The following FAM135A variants were observed in gnomAD, a reference collection of about 807,000 sequenced individuals.
FAM135A encodes family with sequence similarity 135 member A, also known as protein FAM135A.
In FAM135A, 79 loss-of-function variants were observed where a neutral mutation model predicts 146.8. The ratio of observed to expected loss-of-function variants is 0.54; its 90% CI spans 0.45 to 0.65. FAM135A has a LOEUF of 0.65. Ranked by LOEUF, FAM135A falls within the 30% of genes least tolerant of loss-of-function variation. FAM135A has a pLI of 0.00. For synonymous variants in FAM135A, 562 were observed against 603.6 expected, an observed-to-expected ratio of 0.93 and a Z score of 1.01; for missense variants, 1,623 against 1,758.2, an observed-to-expected ratio of 0.92 and a Z score of 1.38.
In FAM135A at chr6:70,475,478, T is replaced by C. The variant is rs1011747443; in HGVS notation, c.226T>C (p.Tyr76His). ...LICSKTFQILYKNEEVVLNDV... is the reference protein window; with the variant it reads ...LICSKTFQILHKNEEVVLNDV... ...TTGCAGTAAAACATTTCAAATTTTG[T>C]ACAAAAATGAAGAGGTTGTTTTAAA... The change falls in exon 6 of 22, where the codon TAC (tyrosine) becomes CAC (histidine). Residue 76 changes from tyrosine to histidine, a missense_variant. By Grantham distance (83) the Tyr-to-His change is moderately conservative. Transcript: ENST00000418814. 6.2e-7 allele frequency: 1 copy of C among 1,606,842 alleles called. No homozygotes were observed. The highest frequency in any genetic ancestry group is 1.3e-5 in the African/African-American group (1 of 74,840).
intron 4 of FAM135A, among the ~76,000 whole-genome samples, chr6:70,447,700 A>G (rs1776092604): frequency 6.6e-6 from 1 of 152,190 alleles, no homozygotes; most frequent in Non-Finnish European, 1.5e-5. Context: ...TCCCATCGTG[A>G]CACTGATTAG....
At position 70,455,984 on chromosome 6, in the gene FAM135A, T is replaced by C. The variant is rs186416076; in HGVS notation, c.157+3413T>C. ...CTCTTGTCTCAGCCTCCCAAGTAGC[T>C]GGGACTACAGGCGTGCATCACCACA... On this transcript the variant is annotated intron_variant, in intron 5 of 21. Transcript: ENST00000418814. 3.1e-3 allele frequency among the ~76,000 whole-genome samples: 474 copies of C among 152,288 alleles called. 4 individuals carry two copies. The highest frequency in any genetic ancestry group is 0.011 in the African/African-American group (447 of 41,572).
chr6:70,451,649 C>G (rs1026198557), intron 4 of FAM135A, among the ~76,000 whole-genome samples: 1 of 152,096 alleles, frequency 6.6e-6, no homozygotes, highest in Non-Finnish European at 1.5e-5. Context: ...CCTAGAATAA[C>G]AGTAATTAAT....
chr6:70,537,075 A>G (rs1426045583), intron 19 of FAM135A, among the ~76,000 whole-genome samples: 4 of 151,784 alleles, frequency 2.6e-5, no homozygotes, highest in Non-Finnish European at 2.9e-5. Flanking sequence ...AGCTGGGATT[A>G]CAGGCATACG....
intron 20 of FAM135A, among the ~76,000 whole-genome samples, chr6:70,548,658 T>A (rs140077200): frequency 6.6e-6 from 1 of 152,178 alleles, no homozygotes; most frequent in South Asian, 2.1e-4. Context: ...TAATATAATT[T>A]TATGAAGAAA....
At chr6:70,466,196 A>G (rs949449979) in intron 5 of FAM135A, among the ~76,000 whole-genome samples, 12 of 152,208 alleles carry the variant, frequency 7.9e-5, no homozygotes, top group South Asian at 2.1e-4. Flanking sequence ...TGACGATTAC[A>G]TAACACAGTA....
intron 5 of FAM135A, among the ~76,000 whole-genome samples, chr6:70,472,623 A>G (rs184510647): frequency 7.2e-5 from 11 of 152,314 alleles, no homozygotes; most frequent in Admixed American, 7.2e-4. Context: ...AAAGTCCTTT[A>G]TAGCAAAATG....
At chr6:70,443,582 G>A (rs1775048209) in intron 4 of FAM135A, among the ~76,000 whole-genome samples, 1 of 152,208 alleles carries the variant, frequency 6.6e-6, no homozygotes, top group African/African-American at 2.4e-5. Flanking sequence ...AATGAAGAGT[G>A]ACTATATTTT....
intron 11 of FAM135A, among the ~76,000 whole-genome samples, chr6:70,496,126 G>A (rs1314536658): frequency 3.3e-5 from 5 of 152,140 alleles, no homozygotes; most frequent in Admixed American, 1.3e-4. Flanking sequence ...ATAGTAGCAT[G>A]ATTTATAATC....
chr6:70,413,873 T>C (rs1032490802), intron 1 of FAM135A, 171 bp downstream of exon 1: 8 of 985,204 alleles, frequency 8.1e-6, no homozygotes, highest in African/African-American at 1.7e-5. Flanking sequence ...CCCGGCCCCG[T>C]TGAAGGTCGG....
At chr6:70,453,894 G>T (rs1411858664) in intron 5 of FAM135A, among the ~76,000 whole-genome samples, 1 of 152,072 alleles carries the variant, frequency 6.6e-6, no homozygotes, top group Non-Finnish European at 1.5e-5. Context: ...TGTGTCTTTA[G>T]TAGCATGATT....
intron 19 of FAM135A, among the ~76,000 whole-genome samples, chr6:70,537,225 C>T (rs997022924): frequency 3.3e-5 from 5 of 152,056 alleles, no homozygotes; most frequent in African/African-American, 9.7e-5. Context: ...TGAGCCACTG[C>T]GCCTGGCCTT....
At chr6:70,413,935 T>C (rs1766865214) in intron 1 of FAM135A, 3 of 985,362 alleles carry the variant, frequency 3.0e-6, no homozygotes, top group Non-Finnish European at 3.6e-6. Flanking sequence ...CGCGGCGCGC[T>C]GCTCTCCCGG....
intron 4 of FAM135A, among the ~76,000 whole-genome samples, chr6:70,440,835 C>G (rs1774296310): frequency 6.6e-6 from 1 of 151,656 alleles, no homozygotes; most frequent in Non-Finnish European, 1.5e-5. Context: ...GGAAAGCTGT[C>G]TCAAAAAAAA....
intron 5 of FAM135A, among the ~76,000 whole-genome samples, chr6:70,455,362 G>T (rs1386488933): frequency 6.7e-6 from 1 of 149,892 alleles, no homozygotes; most frequent in Admixed American, 6.7e-5. Context: ...GCTCACAGAG[G>T]TCTGTTGCTT....
chr6:70,518,043 G>A (rs1949238778), intron 12 of FAM135A, among the ~76,000 whole-genome samples: 1 of 152,200 alleles, frequency 6.6e-6, no homozygotes, highest in Non-Finnish European at 1.5e-5. Flanking sequence ...AGCTTAGGGA[G>A]GAAGGCATGT....
chr6:70,535,800 T>C (rs978314810), intron 18 of FAM135A: 6 of 152,494 alleles, frequency 3.9e-5, no homozygotes, highest in Admixed American at 6.5e-5. Flanking sequence ...AGTCAAAAAC[T>C]GTCCATCTTT....
intron 5 of FAM135A, among the ~76,000 whole-genome samples, chr6:70,473,899 C>T (rs1782094752): frequency 6.6e-6 from 1 of 152,190 alleles, no homozygotes; most frequent in African/African-American, 2.4e-5. Context: ...TGTAAAGACG[C>T]TCTCTCCATC....
chr6:70,549,966 T>C (rs1041414932), intron 20 of FAM135A, among the ~76,000 whole-genome samples: 1 of 152,226 alleles, frequency 6.6e-6, no homozygotes, highest in Admixed American at 6.5e-5. Flanking sequence ...ACAGCATCTT[T>C]ACCAGGCATA....
Sources: allele counts gnomAD v4.1 joint callset (sites outside exome capture counted in the v4.1 genomes callset), GRCh38; gene constraint gnomAD v4.1.1; transcripts MANE v1.5; gene names NCBI Gene and HGNC (gene_info 2026-07-23, HGNC 2026-07-21).